Variants in ERCC6 observed in about 807,000 individuals in gnomAD.
ERCC6 encodes DNA excision repair protein ERCC-6.
Under a neutral mutation model 158.7 loss-of-function variants are expected in ERCC6, and 116 were observed. That is an observed-to-expected ratio of 0.73 (90% confidence interval 0.63 to 0.85). The LOEUF (loss-of-function observed/expected upper bound fraction) is 0.85, where lower values mean the gene tolerates loss of function less well. Among genes scored for constraint, ERCC6 ranks in the 40% least tolerant of loss-of-function variants. ERCC6 has a pLI of 0.00. For missense variants in ERCC6, 1,698 were observed against 1,799.4 expected, an observed-to-expected ratio of 0.94 and a Z score of 1.02; for synonymous variants, 678 against 659.3, an observed-to-expected ratio of 1.03 and a Z score of -0.43.
intron 10 of ERCC6, among the ~76,000 whole-genome samples, chr10:49,479,053 G>GC (rs1028549761): frequency 6.6e-6 from 1 of 151,894 alleles, no homozygotes; most frequent in African/African-American, 2.4e-5. Flanking sequence ...GCCCTAAAAT[G>GC]CAGCATATGG....
At chr10:49,529,352 C>A (rs561872586) in intron 3 of ERCC6, among the ~76,000 whole-genome samples, 2 of 152,218 alleles carry the variant, frequency 1.3e-5, no homozygotes, top group Non-Finnish European at 2.9e-5. Flanking sequence ...AATAGTCTAC[C>A]TCTAACCATC....
chr10:49,520,016 G>C (rs911116375), intron 5 of ERCC6, among the ~76,000 whole-genome samples: 1 of 152,202 alleles, frequency 6.6e-6, no homozygotes, highest in African/African-American at 2.4e-5. Flanking sequence ...ACAGCATTTA[G>C]CTAAGGCTCC....
chr10:49,461,841 AG>A (rs1288451103), intron 18 of ERCC6, among the ~76,000 whole-genome samples: 2 of 152,246 alleles, frequency 1.3e-5, no homozygotes, highest in Non-Finnish European at 2.9e-5. Context: ...CCAAACACTT[AG>A]GAATAAACCC....
chr10:49,508,756 C>G (rs548654708), intron 5 of ERCC6, among the ~76,000 whole-genome samples: 1 of 152,246 alleles, frequency 6.6e-6, no homozygotes, highest in South Asian at 2.1e-4. Context: ...CAAAATAGAC[C>G]TGACCATCTG....
At chr10:49,446,138 A>G in the ERCC6 span, among the ~76,000 whole-genome samples, 201 of 152,156 alleles carry the variant, frequency 1.3e-3, 1 homozygote, top group Non-Finnish European at 2.6e-3. Flanking sequence ...CCAGGCTGAT[A>G]ATAACCATCA....
chr10:49,533,511 C>T (rs920041043), intron 1 of ERCC6, among the ~76,000 whole-genome samples: 8 of 152,168 alleles, frequency 5.3e-5, no homozygotes, highest in Non-Finnish European at 1.0e-4. Context: ...AGGCCAGGCA[C>T]GTGGCTCAGT....
the ERCC6 span, among the ~76,000 whole-genome samples, chr10:49,436,508 G>A: frequency 6.6e-6 from 1 of 152,070 alleles, no homozygotes; most frequent in African/African-American, 2.4e-5. Context: ...CAATAAAAAT[G>A]AACAGGAAAA....
intron 5 of ERCC6, among the ~76,000 whole-genome samples, chr10:49,507,344 T>C (rs1851460566): frequency 6.6e-6 from 1 of 152,196 alleles, no homozygotes; most frequent in Non-Finnish European, 1.5e-5. Context: ...AATGAAGCAC[T>C]GTTGGTCATT....
At chr10:49,486,752 C>A (rs1168587617) in intron 8 of ERCC6, among the ~76,000 whole-genome samples, 1 of 152,218 alleles carries the variant, frequency 6.6e-6, no homozygotes, top group African/African-American at 2.4e-5. Flanking sequence ...ATACTCTTCT[C>A]ACCAAAAGTC....
the ERCC6 span, among the ~76,000 whole-genome samples, chr10:49,436,689 T>C: frequency 6.6e-6 from 1 of 152,222 alleles, no homozygotes; most frequent in Non-Finnish European, 1.5e-5. Flanking sequence ...ATACTTAAAG[T>C]GTAATAGTTG....
intron 1 of ERCC6, among the ~76,000 whole-genome samples, chr10:49,536,728 C>T (rs908980968): frequency 3.9e-5 from 6 of 152,092 alleles, no homozygotes; most frequent in African/African-American, 1.4e-4. Context: ...CTAACAATCT[C>T]CAGGGCTGAA....
At position 49,470,388 on chromosome 10, in the gene ERCC6, G is replaced by C; in HGVS notation, c.3572C>G (p.Ala1191Gly). 6.2e-7 allele frequency: 1 copy of C among 1,614,088 alleles called. No individual in the cohort carries two copies. Among genetic ancestry groups the C allele is most frequent in the Middle Eastern group, 1.6e-4 (1 of 6,062 alleles). Residue 1191 changes from alanine to glycine, a missense_variant, in exon 18 of 21, where the codon GCA becomes GGA. Transcript: ENST00000355832. Reference sequence around the variant, plus strand: ...ATGTTTCTCCAGGGTCTCTTCTTCTGCCACACTATGATGTTTTGTTTTTGA... The same window carrying C: ...ATGTTTCTCCAGGGTCTCTTCTTCTCCCACACTATGATGTTTTGTTTTTGA... ...HKSKTKHHSV[A>G]EEETLEKHLR...
chr10:49,524,924 TGAA>T (rs1353489414), intron 4 of ERCC6, 147 bp from the exon 5 acceptor site: 30 of 1,502,414 alleles, frequency 2.0e-5, no homozygotes, highest in Middle Eastern at 1.9e-4. Flanking sequence ...ATGTTACATA[TGAA>T]GGACAGAATA....
chr10:49,454,178 T>G (rs1850451784), downstream of ERCC6, among the ~76,000 whole-genome samples: 1 of 152,230 alleles, frequency 6.6e-6, no homozygotes, highest in African/African-American at 2.4e-5. Flanking sequence ...TCTCTCTTAT[T>G]CTATCTGCCA....
intron 5 of ERCC6, among the ~76,000 whole-genome samples, chr10:49,523,270 G>A (rs1435385003): frequency 6.6e-6 from 1 of 152,222 alleles, no homozygotes; most frequent in African/African-American, 2.4e-5. Flanking sequence ...ACAGTGTTCA[G>A]TGGGCCACCA....
chr10:49,505,501 C>A, intron 6 of ERCC6: 1 of 168,734 alleles, frequency 5.9e-6, no homozygotes, highest in Non-Finnish European at 1.3e-5. Context: ...AAAAAAAATC[C>A]TTCCCAATAT....
chr10:49,463,494 A>C (rs540565822), intron 18 of ERCC6, among the ~76,000 whole-genome samples: 83 of 152,316 alleles, frequency 5.4e-4, no homozygotes, highest in Non-Finnish European at 9.4e-4. Flanking sequence ...AGTTTTTTTA[A>C]AAAAAGGAAC....
intron 3 of ERCC6, among the ~76,000 whole-genome samples, chr10:49,528,768 T>C (rs1325583805): frequency 1.3e-5 from 2 of 152,208 alleles, no homozygotes; most frequent in African/African-American, 4.8e-5. Context: ...CATGCTCTCC[T>C]GAGGACGGCA....
At chr10:49,513,422 T>A (rs1836859006) in intron 5 of ERCC6, among the ~76,000 whole-genome samples, 1 of 152,194 alleles carries the variant, frequency 6.6e-6, no homozygotes. Context: ...TTTTAAGTAT[T>A]TCACATTTAT....
Sources: gnomAD v4.1 joint callset for allele counts (sites outside exome capture counted in the v4.1 genomes callset) on GRCh38, gnomAD v4.1.1 for gene constraint, MANE v1.5 for transcripts, NCBI Gene and HGNC (gene_info 2026-07-23, HGNC 2026-07-21) for gene names.